CSMD1: variants seen among roughly 807,000 people sequenced by gnomAD.
CSMD1 encodes the protein CUB and sushi domain-containing protein 1.
A neutral mutation model predicts 417.5 loss-of-function variants in CSMD1; 213 were observed. The observed-to-expected ratio is 0.51, with a 90% CI of 0.46 to 0.57. CSMD1 has a LOEUF of 0.57. Ranked by LOEUF, CSMD1 falls within the 20% of genes least tolerant of loss-of-function variation. The pLI, the probability that CSMD1 is intolerant of heterozygous loss-of-function variation, is 0.00. For synonymous variants in CSMD1, 2,862 were observed against 1,736.8 expected (o/e 1.65, Z -16.11); for missense variants, 6,923 against 4,529.7 (o/e 1.53, Z -15.17).
At chr8:4,253,907 CTTTTTTTTTTTT>C (rs147795407) in intron 3 of CSMD1, among the ~76,000 whole-genome samples, 3 of 80,956 alleles carry the variant, frequency 3.7e-5, no homozygotes, top group Admixed American at 1.7e-4. Flanking sequence ...TTCCTTCCAT[CTTTTTTTTTTTT>C]TTTTTTTTTT....
chr8:4,262,446 G>A (rs113365892), intron 3 of CSMD1, among the ~76,000 whole-genome samples: 10 of 152,162 alleles, frequency 6.6e-5, no homozygotes, highest in South Asian at 6.2e-4. Flanking sequence ...CATGTTCCCC[G>A]CGCAGTGCAG....
intron 3 of CSMD1, among the ~76,000 whole-genome samples, chr8:4,151,950 G>T (rs992284551): frequency 2.0e-5 from 3 of 152,140 alleles, no homozygotes; most frequent in Admixed American, 2.0e-4. Context: ...TAAAATCAAT[G>T]GGAGGTGTAA....
At chr8:4,699,087 G>C (rs1036125046) in intron 1 of CSMD1, among the ~76,000 whole-genome samples, 3 of 152,176 alleles carry the variant, frequency 2.0e-5, no homozygotes, top group African/African-American at 7.2e-5. Context: ...TGTCCTGCTA[G>C]AGTTTGAGGT....
chr8:3,965,961 G>C (rs565192202), intron 5 of CSMD1, among the ~76,000 whole-genome samples: 37 of 152,316 alleles, frequency 2.4e-4, no homozygotes, highest in Non-Finnish European at 4.0e-4. Context: ...AAGGTCTTTT[G>C]AGAAAGCATA....
intron 23 of CSMD1, among the ~76,000 whole-genome samples, chr8:3,316,703 C>G (rs1165972239): frequency 3.3e-5 from 5 of 151,962 alleles, no homozygotes; most frequent in Non-Finnish European, 7.4e-5. Flanking sequence ...GTGATGGAGA[C>G]AGGGATTGAA....
intron 3 of CSMD1, among the ~76,000 whole-genome samples, chr8:4,182,366 A>G (rs946491078): frequency 1.3e-5 from 2 of 152,144 alleles, no homozygotes; most frequent in African/African-American, 4.8e-5. Context: ...TGCCTTACCC[A>G]AAGTATATTA....
chr8:3,881,649 A>G (rs962814161), intron 5 of CSMD1, among the ~76,000 whole-genome samples: 4 of 147,618 alleles, frequency 2.7e-5, no homozygotes, highest in Non-Finnish European at 4.5e-5. Flanking sequence ...CAAACAAACA[A>G]AAACCAACAA....
intron 1 of CSMD1, among the ~76,000 whole-genome samples, chr8:4,971,034 T>C (rs776130002): frequency 2.6e-5 from 4 of 152,154 alleles, no homozygotes; most frequent in Admixed American, 6.6e-5. Flanking sequence ...AGGGTAAGAA[T>C]TGACTTAGTC....
intron 6 of CSMD1, among the ~76,000 whole-genome samples, chr8:3,724,807 G>C (rs932685963): frequency 2.0e-5 from 3 of 152,226 alleles, no homozygotes; most frequent in Non-Finnish European, 2.9e-5. Flanking sequence ...GCCATCAGCA[G>C]AAACTGTAGG....
chr8:3,616,635 A>T, intron 8 of CSMD1, 75 bp downstream of exon 8: 1 of 961,658 alleles, frequency 1.0e-6, no homozygotes, highest in Non-Finnish European at 1.6e-6. Flanking sequence ...CAAAAGAGTT[A>T]AATTTAACTG....
At chr8:3,531,704 T>C (rs1797987866) in intron 10 of CSMD1, among the ~76,000 whole-genome samples, 1 of 152,168 alleles carries the variant, frequency 6.6e-6, no homozygotes, top group Non-Finnish European at 1.5e-5. Context: ...TCAGCAGAAC[T>C]TCCCTTGTAA....
chr8:4,624,672 C>T (rs751441647), intron 2 of CSMD1, among the ~76,000 whole-genome samples: 1 of 152,154 alleles, frequency 6.6e-6, no homozygotes, highest in Non-Finnish European at 1.5e-5. Context: ...GCTCTGTTTA[C>T]ACGGGATATA....
At chr8:3,404,297 T>C (rs898925682) in intron 15 of CSMD1, among the ~76,000 whole-genome samples, 2 of 149,328 alleles carry the variant, frequency 1.3e-5, no homozygotes, top group Non-Finnish European at 3.0e-5. Flanking sequence ...ATTGCACCAC[T>C]GCACTCCAGC....
At position 4,491,885 on chromosome 8, in the gene CSMD1, G is replaced by C. The variant is rs1032323126; in HGVS notation, c.303-71820C>G. 2.6e-5 allele frequency among the ~76,000 whole-genome samples: 4 copies of C among 152,128 alleles called. 1 individual carries two copies. The highest frequency in any genetic ancestry group is 2.6e-4 in the Admixed American group (4 of 15,274). On this transcript the variant is annotated intron_variant, in intron 2 of 69. Transcript: ENST00000635120. Reference sequence around the variant, plus strand: ...TCCTCTTTGGTCTTTATGTAAATGAGTTGAAAAGTTATGTTCACACAAAAT... The same window carrying C: ...TCCTCTTTGGTCTTTATGTAAATGACTTGAAAAGTTATGTTCACACAAAAT...
intron 7 of CSMD1, among the ~76,000 whole-genome samples, chr8:3,626,431 C>A (rs1288153921): frequency 6.6e-6 from 1 of 151,962 alleles, no homozygotes; most frequent in African/African-American, 2.4e-5. Context: ...GTAATTCAGG[C>A]CAGCAACTTA....
In CSMD1 at chr8:3,404,710, G is replaced by A. The variant is rs1031615918; in HGVS notation, c.2266+1317C>T. Among the ~76,000 whole-genome samples, 6 of 152,158 alleles carry A rather than the reference G, an allele frequency of 3.9e-5. No individual in the cohort carries two copies. In the South Asian group the frequency reaches 8.3e-4, roughly 21 times the overall value. ...ATAACCATAATTAACATTTTGGTGT[G>A]TAGCCTTTTTTTAGTGTTTTACAAA... On this transcript the variant is annotated intron_variant, in intron 15 of 69. Transcript: ENST00000635120.
chr8:3,614,388 T>C (rs1256459639), intron 8 of CSMD1, among the ~76,000 whole-genome samples: 1 of 152,078 alleles, frequency 6.6e-6, no homozygotes, highest in Non-Finnish European at 1.5e-5. Flanking sequence ...AGACTTAATG[T>C]TCATCCTGAA....
At chr8:3,400,548 A>G (rs935626072) in intron 15 of CSMD1, among the ~76,000 whole-genome samples, 1 of 152,076 alleles carries the variant, frequency 6.6e-6, no homozygotes, top group Non-Finnish European at 1.5e-5. Flanking sequence ...CAGAAAAAAT[A>G]AAAGCAAAAA....
At chr8:3,986,999 C>G (rs970290014) in intron 5 of CSMD1, among the ~76,000 whole-genome samples, 2 of 152,160 alleles carry the variant, frequency 1.3e-5, no homozygotes, top group African/African-American at 4.8e-5. Flanking sequence ...AAATAATCCA[C>G]CTGCCTCAGC....
Sources: gnomAD v4.1 joint callset for allele counts (sites outside exome capture counted in the v4.1 genomes callset) on GRCh38, gnomAD v4.1.1 for gene constraint, MANE v1.5 for transcripts, NCBI Gene and HGNC (gene_info 2026-07-23, HGNC 2026-07-21) for gene names.